The following RALGAPA2 variants were observed in gnomAD, a reference collection of about 807,000 sequenced individuals.
RALGAPA2 encodes ral GTPase-activating protein subunit alpha-2.
Under a neutral mutation model 230.4 loss-of-function variants are expected in RALGAPA2, and 139 were observed. The observed-to-expected ratio is 0.60, with a 90% CI of 0.53 to 0.69. The LOEUF is 0.69. Ranked by LOEUF, RALGAPA2 falls within the 30% of genes least tolerant of loss-of-function variation. The probability of loss-of-function intolerance (pLI) is 0.00; values close to 1 mark genes in which losing one functional copy is unlikely to be tolerated. For synonymous variants in RALGAPA2, 847 were observed against 837.8 expected (o/e 1.01, Z -0.19); for missense variants, 2,163 against 2,276.0 (o/e 0.95, Z 1.01).
At chr20:20,693,739 G>A (rs1212389680) in intron 1 of RALGAPA2, among the ~76,000 whole-genome samples, 2 of 152,148 alleles carry the variant, frequency 1.3e-5, no homozygotes, top group African/African-American at 4.8e-5. Context: ...CCACTAGAAA[G>A]GGTAGGTCAC....
chr20:20,662,302 T>TAA (rs11479237), intron 3 of RALGAPA2, among the ~76,000 whole-genome samples: 1 of 146,040 alleles, frequency 6.8e-6, no homozygotes, highest in Non-Finnish European at 1.5e-5. Context: ...ACACTCAAGT[T>TAA]AAAAAAAAAA....
intron 37 of RALGAPA2, chr20:20,471,543 G>A (rs759496863): frequency 7.3e-5 from 11 of 151,326 alleles, no homozygotes; most frequent in Non-Finnish European, 1.3e-4. Flanking sequence ...TCTGCCAAGA[G>A]GCTCTTTTTA....
At chr20:20,579,478 C>T (rs1212387479) in intron 20 of RALGAPA2, among the ~76,000 whole-genome samples, 2 of 152,138 alleles carry the variant, frequency 1.3e-5, no homozygotes, top group African/African-American at 2.4e-5. Context: ...AAAGTTATCA[C>T]TGAGCTAACA....
In RALGAPA2 at chr20:20,571,879, G is replaced by A. The variant is rs1235068262; in HGVS notation, c.2969C>T (p.Pro990Leu). Residue 990 changes from proline (P) to leucine (L), a missense_variant, in exon 22 of 40, where the codon CCA (proline) becomes CTA (leucine). Pro to Leu is a moderately conservative substitution (Grantham distance 98, BLOSUM62 -3). Transcript: ENST00000202677. Reference protein sequence around the residue: ...SSPSPPVLIPPLRMFASWLFK... With the variant: ...SSPSPPVLIPLLRMFASWLFK... ...CAGCCATGATGCAAACATTCTGAGT[G>A]GTGGGATCAAAACTGGAGGAGATGG... 1 of 1,611,626 alleles carries A rather than the reference G, an allele frequency of 6.2e-7. No individual in the cohort carries two copies. Among genetic ancestry groups the A allele is most frequent in the Non-Finnish European group, 8.5e-7 (1 of 1,178,566 alleles).
At chr20:20,452,685 G>A (rs944537943) in intron 37 of RALGAPA2, among the ~76,000 whole-genome samples, 49 of 152,236 alleles carry the variant, frequency 3.2e-4, no homozygotes, top group African/African-American at 1.1e-3. Context: ...AATGTCGGCC[G>A]GCATGTTCCC....
rs762214207 is a variant in RALGAPA2 at position 20,635,469 on chromosome 20, A to G, written c.954T>C (p.Thr318=). The stretch of plus-strand genomic sequence containing the variant: ...CTCCATTTTTAGTGTTTTGTGTTGC[A>G]GTTAGATACTTTTTTTCCAAAAAGA... ...VTFFLEKKYL[T]ATQNTKNGVD... is the part of the protein sequence containing the mutation. The change falls in exon 9 of 40, where the codon ACT becomes ACC. Residue 318 remains threonine (T), a synonymous_variant. Transcript: ENST00000202677. 2 of 1,602,630 alleles carry G rather than the reference A, an allele frequency of 1.2e-6. No homozygotes were observed. Among genetic ancestry groups the G allele is most frequent in the Non-Finnish European group, 1.7e-6 (2 of 1,175,856 alleles).
chr20:20,431,508 C>T (rs561529120), intron 37 of RALGAPA2, among the ~76,000 whole-genome samples: 84 of 152,244 alleles, frequency 5.5e-4, no homozygotes, highest in African/African-American at 1.9e-3. Flanking sequence ...CAAGAGAAAA[C>T]CAAAACTTAA....
chr20:20,417,460 T>C (rs6046840), intron 37 of RALGAPA2, among the ~76,000 whole-genome samples: 3,772 of 152,324 alleles, frequency 0.025, 123 homozygotes, highest in East Asian at 0.16. Flanking sequence ...CATGGCTACA[T>C]GGCCTCTTCC....
At chr20:20,447,307 T>C (rs141638376) in intron 37 of RALGAPA2, among the ~76,000 whole-genome samples, 60 of 152,278 alleles carry the variant, frequency 3.9e-4, no homozygotes, top group African/African-American at 1.4e-3. Context: ...GAAAACAGGA[T>C]TGGAGACACT....
Position 20,516,974 on chromosome 20 carries a change from C to T in RALGAPA2, c.4085-3690G>A, listed in dbSNP as rs2062891004. 1.3e-5 allele frequency among the ~76,000 whole-genome samples: 2 copies of T among 152,208 alleles called. 1 individual carries two copies. Among genetic ancestry groups the T allele is most frequent in the South Asian group, 4.1e-4 (2 of 4,828 alleles). ...TGCTGGGTGCAACAGGGAAAGTCTG[C>T]ACCTCTACCCCAACAGGCAGGCAGC... On this transcript the variant is annotated intron_variant, in intron 31 of 39. Transcript: ENST00000202677.
chr20:20,509,193 T>C (rs2062627082), intron 33 of RALGAPA2, among the ~76,000 whole-genome samples: 1 of 152,162 alleles, frequency 6.6e-6, no homozygotes, highest in Admixed American at 6.5e-5. Context: ...GAGAAGTTGA[T>C]CTATGTTCCT....
chr20:20,485,323 G>GCATGGTATATCTCAC (rs1188116978), intron 36 of RALGAPA2, among the ~76,000 whole-genome samples: 1 of 152,094 alleles, frequency 6.6e-6, no homozygotes, highest in Non-Finnish European at 1.5e-5. Context: ...ATTAGTGTGA[G>GCATGGTATATCTCAC]CATGGTATAT....
At chr20:20,450,752 C>T (rs1385582445) in intron 37 of RALGAPA2, among the ~76,000 whole-genome samples, 1 of 152,246 alleles carries the variant, frequency 6.6e-6, no homozygotes, top group Non-Finnish European at 1.5e-5. Context: ...GATCAGCCTG[C>T]GCTTTTGCAC....
intron 30 of RALGAPA2, among the ~76,000 whole-genome samples, chr20:20,521,347 G>A (rs2063035904): frequency 6.6e-6 from 1 of 152,172 alleles, no homozygotes; most frequent in African/African-American, 2.4e-5. Flanking sequence ...CACATTCTGT[G>A]TGATTGCACA....
At position 20,544,076 on chromosome 20, in the gene RALGAPA2, A is replaced by G. The variant is rs547201531; in HGVS notation, c.3285+2628T>C. On this transcript the variant is annotated intron_variant, in intron 24 of 39. Coordinates refer to ENST00000202677, the MANE Select transcript of RALGAPA2 (RefSeq NM_020343.4). ...ATCACTGGTCATTAGAGAAATGCAA[A>G]TCAAAACCACAATGAGATACCACCT... Among the ~76,000 whole-genome samples the G allele has an allele frequency of 2.0e-5, 3 of 152,112 alleles. No individual in the cohort carries two copies. The East Asian group carries it at 5.8e-4, about 29-fold the overall frequency.
chr20:20,492,588 C>G (rs1310309234), intron 36 of RALGAPA2, among the ~76,000 whole-genome samples: 1 of 152,176 alleles, frequency 6.6e-6, no homozygotes, highest in Admixed American at 6.5e-5. Flanking sequence ...GAATTAATCT[C>G]TGCTGACTAG....
chr20:20,523,951 T>G (rs2063117941), intron 30 of RALGAPA2, among the ~76,000 whole-genome samples: 1 of 152,154 alleles, frequency 6.6e-6, no homozygotes, highest in African/African-American at 2.4e-5. Flanking sequence ...CTTTCAGTCC[T>G]TAAGTTATTT....
Position 20,531,731 on chromosome 20 carries a change from G to A in RALGAPA2, c.3538C>T (p.Pro1180Ser), listed in dbSNP as rs754332519. 1.9e-5 allele frequency: 30 copies of A among 1,608,984 alleles called. No homozygotes were observed. In the South Asian group the frequency reaches 3.3e-4, roughly 18 times the overall value. The part of the protein sequence containing the change: ...CEELAQCTSH[P>S]QVKEAINVIG... ...ACATTGATGGCCTCTTTCACCTGAG[G>A]GTGGCTTGTACACTGTGCAAGCTCT... is the stretch of plus-strand genomic sequence containing the variant. Residue 1180 changes from proline to serine, a missense_variant, in exon 27 of 40, where the codon CCT becomes TCT. Pro to Ser is a moderately conservative substitution (Grantham distance 74). Transcript: ENST00000202677.
intron 10 of RALGAPA2, among the ~76,000 whole-genome samples, chr20:20,624,819 T>A (rs1177505735): frequency 2.6e-5 from 4 of 152,202 alleles, no homozygotes. Context: ...ATTCCTTCAC[T>A]TTTCCTTTAC....
Sources: gnomAD v4.1 joint callset for allele counts (sites outside exome capture counted in the v4.1 genomes callset) on GRCh38, gnomAD v4.1.1 for gene constraint, MANE v1.5 for transcripts, NCBI Gene and HGNC (gene_info 2026-07-23, HGNC 2026-07-21) for gene names.